CDH7: variants seen among roughly 807,000 people sequenced by gnomAD.
The protein encoded by CDH7 is cadherin 7.
A neutral mutation model predicts 71.8 loss-of-function variants in CDH7; 25 were observed. The ratio of observed to expected loss-of-function variants is 0.35; its 90% CI spans 0.25 to 0.49. The LOEUF is 0.49. Among genes scored for constraint, CDH7 ranks in the 20% least tolerant of loss-of-function variants. The pLI, the probability that CDH7 is intolerant of heterozygous loss-of-function variation, is 0.99. For missense variants in CDH7, 862 were observed against 974.6 expected (o/e 0.88, Z 1.54); for synonymous variants, 381 against 363.8 (o/e 1.05, Z -0.54).
intron 2 of CDH7, among the ~76,000 whole-genome samples, chr18:65,788,064 C>G (rs149569155): frequency 4.2e-4 from 64 of 152,196 alleles, no homozygotes; most frequent in Non-Finnish European, 8.2e-4. Flanking sequence ...TTTTTCCCCA[C>G]TATTTTTACT....
At chr18:65,872,463 G>C (rs1159022223) in intron 11 of CDH7, among the ~76,000 whole-genome samples, 1 of 152,106 alleles carries the variant, frequency 6.6e-6, no homozygotes, top group Admixed American at 6.6e-5. Flanking sequence ...CCCTTTTTGA[G>C]CTCTGATGGA....
chr18:65,822,127 C>A lies in CDH7; in HGVS notation c.672C>A (p.Asp224Glu). The A allele has an allele frequency of 6.2e-7, 1 of 1,612,728 alleles. No homozygotes were observed. The highest frequency in any genetic ancestry group is 1.3e-5 in the African/African-American group (1 of 74,960). Residue 224 changes from aspartate (D) to glutamate (E), a missense_variant, in exon 5 of 12, where the codon GAC becomes GAA. Asp to Glu is a conservative substitution (Grantham distance 45). Transcript: ENST00000397968. ...CAAACATGGATAGAGAGGCTAAAGA[C>A]CAGTATTTGCTTGTCATTCAGGCAA... Reference protein sequence around the residue: ...ALPNMDREAKDQYLLVIQAKD... With the variant: ...ALPNMDREAKEQYLLVIQAKD...
intron 7 of CDH7, among the ~76,000 whole-genome samples, chr18:65,855,736 C>CT (rs1428108778): frequency 2.0e-5 from 3 of 152,092 alleles, no homozygotes; most frequent in African/African-American, 7.2e-5. Context: ...TGCATCCCAA[C>CT]TTTTTTACAA....
intron 7 of CDH7, among the ~76,000 whole-genome samples, chr18:65,852,719 A>G (rs1177013073): frequency 6.6e-6 from 1 of 152,164 alleles, no homozygotes; most frequent in Non-Finnish European, 1.5e-5. Flanking sequence ...AGTTTTTCAG[A>G]GGGACATATG....
intron 1 of CDH7, among the ~76,000 whole-genome samples, chr18:65,761,776 A>C (rs1916199480): frequency 6.6e-6 from 1 of 152,186 alleles, no homozygotes; most frequent in Admixed American, 6.5e-5. Context: ...ATAAATAGAC[A>C]TTAGAATAAA....
intron 2 of CDH7, among the ~76,000 whole-genome samples, chr18:65,805,580 A>G (rs1911286256): frequency 6.6e-6 from 1 of 152,224 alleles, no homozygotes; most frequent in Non-Finnish European, 1.5e-5. Flanking sequence ...ACTTCAAAAG[A>G]GTTGAATTCT....
chr18:65,887,398 T>C lies in CDH7; in HGVS notation c.*6504T>C, dbSNP rs545353576. The C allele has an allele frequency of 6.6e-6, 1 of 151,734 alleles. No homozygotes were observed. The highest frequency in any genetic ancestry group is 2.4e-5 in the African/African-American group (1 of 41,370). 9.4% of individuals were successfully genotyped at this position (151,734 alleles called of 1,614,324 possible). ...GTCATTTAGCATTAGGTATATCTCC[T>C]AATTCTATCCCTCCCCCCTCCCCCT... On this transcript the variant is annotated 3_prime_UTR_variant, in exon 12 of 12. Transcript: ENST00000397968.
chr18:65,870,313 G>C (rs947091827), intron 11 of CDH7, among the ~76,000 whole-genome samples: 5 of 152,292 alleles, frequency 3.3e-5, no homozygotes, highest in African/African-American at 1.2e-4. Context: ...GGATCTGCAT[G>C]AGCCTCAGAT....
chr18:65,849,379 CTTTT>C (rs2144006529), intron 7 of CDH7, among the ~76,000 whole-genome samples: 1 of 112,090 alleles, frequency 8.9e-6, no homozygotes, highest in African/African-American at 4.2e-5. Flanking sequence ...CTTTTCTTTT[CTTTT>C]CTTTTCTTTT....
chr18:65,858,834 T>C, intron 8 of CDH7, 91 bp from the exon 9 acceptor site: 1 of 1,296,918 alleles, frequency 7.7e-7, no homozygotes, highest in Non-Finnish European at 1.1e-6. Flanking sequence ...ATTATGATTC[T>C]AGATTTCATT....
At chr18:65,788,523 C>T (rs187596577) in intron 2 of CDH7, among the ~76,000 whole-genome samples, 108 of 152,254 alleles carry the variant, frequency 7.1e-4, no homozygotes, top group African/African-American at 1.2e-3. Flanking sequence ...CTGTGTAGCG[C>T]GAGCAGGTAT....
At chr18:65,842,204 G>C (rs1912758069) in intron 6 of CDH7, among the ~76,000 whole-genome samples, 1 of 151,922 alleles carries the variant, frequency 6.6e-6, no homozygotes, top group South Asian at 2.1e-4. Flanking sequence ...TTCAAGAAAA[G>C]GAGGCTCAAG....
chr18:65,869,545 ATTTT>A (rs10696115), intron 11 of CDH7, among the ~76,000 whole-genome samples: 15 of 91,366 alleles, frequency 1.6e-4, no homozygotes, highest in African/African-American at 6.3e-4. Flanking sequence ...AAGTGGGTCA[ATTTT>A]TTTTTTTTTT....
At position 65,796,559 on chromosome 18, in the gene CDH7, G is replaced by A. The variant is rs947150971; in HGVS notation, c.211-13145G>A. On this transcript the variant is annotated intron_variant, in intron 2 of 11. Coordinates refer to ENST00000397968, the MANE Select transcript of CDH7 (RefSeq NM_004361.5). Reference sequence around the variant, plus strand: ...GTAGTTTACCCACATTTATTTAGACGAGATGTACAGAGTTTCGGGAATAGA... The same window carrying A: ...GTAGTTTACCCACATTTATTTAGACAAGATGTACAGAGTTTCGGGAATAGA... 2.6e-5 allele frequency among the ~76,000 whole-genome samples: 4 copies of A among 152,182 alleles called. 1 individual carries two copies. Among genetic ancestry groups the A allele is most frequent in the South Asian group, 4.2e-4 (2 of 4,796 alleles).
chr18:65,885,482 G>T lies in CDH7; in HGVS notation c.*4588G>T, dbSNP rs61545230. ...AAGCTCCGCCTCCAGGGTTCACACC[G>T]TTCTCCTGCCTCAACCTCCGGAGTA... On this transcript the variant is annotated 3_prime_UTR_variant, in exon 12 of 12. Coordinates refer to ENST00000397968, the MANE Select transcript of CDH7 (RefSeq NM_004361.5). 12,810 of 146,154 alleles carry T rather than the reference G, an allele frequency of 0.088. 830 individuals carry two copies. The highest frequency in any genetic ancestry group is 0.19 in the African/African-American group (7,420 of 39,896). The allele number at this position is 146,154 out of a possible 1,614,324, so 9.1% of individuals were successfully genotyped here.
intron 11 of CDH7, among the ~76,000 whole-genome samples, chr18:65,873,129 A>G (rs1488795546): frequency 6.6e-6 from 1 of 152,172 alleles, no homozygotes; most frequent in Admixed American, 6.6e-5. Context: ...TTGCATATCA[A>G]TGTGGATGAT....
chr18:65,815,861 A>G (rs957637773), intron 4 of CDH7, among the ~76,000 whole-genome samples: 2 of 152,180 alleles, frequency 1.3e-5, no homozygotes, highest in Non-Finnish European at 2.9e-5. Flanking sequence ...CTTCCCTTCT[A>G]TGCCTACTCT....
chr18:65,752,572 A>G (rs1915914381), intron 1 of CDH7, among the ~76,000 whole-genome samples: 2 of 152,212 alleles, frequency 1.3e-5, no homozygotes, highest in South Asian at 4.1e-4. Context: ...TGTCAAGGGG[A>G]AATGCATGAA....
chr18:65,864,419 T>G (rs1418499924), intron 11 of CDH7, among the ~76,000 whole-genome samples: 1 of 151,474 alleles, frequency 6.6e-6, no homozygotes, highest in Non-Finnish European at 1.5e-5. Context: ...TTTTTTTTTT[T>G]GCTCACCAGA....
Sources: allele counts gnomAD v4.1 joint callset (sites outside exome capture counted in the v4.1 genomes callset), GRCh38; gene constraint gnomAD v4.1.1; transcripts MANE v1.5; gene names NCBI Gene and HGNC (gene_info 2026-07-23, HGNC 2026-07-21).